The following PPP2R3A variants were observed in gnomAD, a reference collection of about 807,000 sequenced individuals.
PPP2R3A encodes the protein protein phosphatase 2 regulatory subunit B''alpha.
A neutral mutation model predicts 106.9 loss-of-function variants in PPP2R3A; 80 were observed. The ratio of observed to expected loss-of-function variants is 0.75; its 90% CI spans 0.62 to 0.90. The LOEUF (loss-of-function observed/expected upper bound fraction) is 0.90. Ranked by LOEUF, PPP2R3A falls within the 40% of genes least tolerant of loss-of-function variation. The pLI is 0.00. For synonymous variants in PPP2R3A, 483 were observed against 468.3 expected (o/e 1.03, Z -0.41); for missense variants, 1,386 against 1,350.4 (o/e 1.03, Z -0.41).
chr3:136,081,655 A>C (rs549245692), intron 7 of PPP2R3A, among the ~76,000 whole-genome samples: 35 of 152,170 alleles, frequency 2.3e-4, no homozygotes, highest in Admixed American at 2.0e-3. Context: ...AATTTGGCTG[A>C]CAACAGAATT....
At chr3:136,074,802 G>T (rs1576482460) in intron 6 of PPP2R3A, among the ~76,000 whole-genome samples, 1 of 152,302 alleles carries the variant, frequency 6.6e-6, no homozygotes, top group South Asian at 2.1e-4. Flanking sequence ...AGCTATAGTG[G>T]AGACTGCTCA....
At chr3:135,992,593 C>G (rs998153786) in intron 1 of PPP2R3A, among the ~76,000 whole-genome samples, 5 of 152,098 alleles carry the variant, frequency 3.3e-5, no homozygotes, top group Admixed American at 1.3e-4. Flanking sequence ...ATATTAACTT[C>G]CCAAATTTCT....
At chr3:136,117,809 TG>T in intron 13 of PPP2R3A, among the ~76,000 whole-genome samples, 1 of 152,188 alleles carries the variant, frequency 6.6e-6, no homozygotes, top group Non-Finnish European at 1.5e-5. Context: ...AAAGAGGAGC[TG>T]GTACCGTTCC....
intron 2 of PPP2R3A, among the ~76,000 whole-genome samples, chr3:136,009,244 G>A (rs1026489484): frequency 2.6e-5 from 4 of 152,064 alleles, no homozygotes; most frequent in South Asian, 2.1e-4. Flanking sequence ...CCTGGAGGGG[G>A]CAGTAAGGGT....
In PPP2R3A at chr3:136,106,196, G is replaced by A. The variant is rs750290412; in HGVS notation, c.3223-20G>A. 3.1e-6 allele frequency: 5 copies of A among 1,590,258 alleles called. No homozygotes were observed. The highest frequency in any genetic ancestry group is 2.2e-5 in the East Asian group (1 of 44,492). ...TCTTTGATTTTTTTTATTTCTCGTG[G>A]CTGTCTTCTTTCCAATCAGGATGTT... On this transcript the variant is annotated intron_variant, in intron 12 of 13. Coordinates refer to ENST00000264977, the MANE Select transcript of PPP2R3A (RefSeq NM_002718.5).
At chr3:136,063,659 T>G (rs929200013) in intron 5 of PPP2R3A, among the ~76,000 whole-genome samples, 6 of 151,878 alleles carry the variant, frequency 4.0e-5, no homozygotes, top group Non-Finnish European at 7.4e-5. Flanking sequence ...AAAAGACACA[T>G]GAAAAAATGC....
At chr3:135,991,298 A>T (rs1933150374) in intron 1 of PPP2R3A, among the ~76,000 whole-genome samples, 1 of 152,178 alleles carries the variant, frequency 6.6e-6, no homozygotes, top group Non-Finnish European at 1.5e-5. Context: ...AATTGTCTAA[A>T]TGATTTTTAC....
At chr3:136,056,568 C>T (rs1216515246) in intron 5 of PPP2R3A, among the ~76,000 whole-genome samples, 1 of 151,748 alleles carries the variant, frequency 6.6e-6, no homozygotes, top group African/African-American at 2.4e-5. Flanking sequence ...CTTTATCTTA[C>T]ACCGTATATA....
intron 1 of PPP2R3A, among the ~76,000 whole-genome samples, chr3:135,996,028 A>C (rs1933383027): frequency 6.6e-6 from 1 of 152,142 alleles, no homozygotes; most frequent in South Asian, 2.1e-4. Flanking sequence ...ATGTTTTTTT[A>C]CAATGGTGTT....
intron 6 of PPP2R3A, among the ~76,000 whole-genome samples, chr3:136,076,649 A>G (rs1559905648): frequency 6.6e-6 from 1 of 152,088 alleles, no homozygotes; most frequent in Non-Finnish European, 1.5e-5. Flanking sequence ...GGACCACCTG[A>G]TATATAGAAA....
At chr3:136,044,357 GA>G (rs1400752232) in intron 4 of PPP2R3A, among the ~76,000 whole-genome samples, 12 of 152,092 alleles carry the variant, frequency 7.9e-5, no homozygotes, top group African/African-American at 2.9e-4. Flanking sequence ...GTCTGGTCTT[GA>G]GGGCGGTTGG....
intron 1 of PPP2R3A, among the ~76,000 whole-genome samples, chr3:135,971,163 TTC>T (rs1199852911): frequency 6.6e-6 from 1 of 152,216 alleles, no homozygotes; most frequent in African/African-American, 2.4e-5. Flanking sequence ...TAGCTTAATT[TTC>T]CAGTTGCATG....
intron 2 of PPP2R3A, among the ~76,000 whole-genome samples, chr3:136,010,417 A>ATT (rs56962010): frequency 0.027 from 1,377 of 51,000 alleles, 423 homozygotes; most frequent in African/African-American, 0.11. Context: ...CGCTCGGCTA[A>ATT]TTTTTTTTTT....
rs397874378 is a variant in PPP2R3A at position 136,102,342 on chromosome 3, C to CTTT, written c.3103+180_3103+182dup. Among the ~76,000 whole-genome samples the CTTT allele has an allele frequency of 8.7e-4, 101 of 115,994 alleles. 1 individual carries two copies. Among genetic ancestry groups the CTTT allele is most frequent in the African/African-American group, 2.1e-3 (67 of 31,852 alleles). The allele number at this position is 115,994 out of a possible 152,430, so 76.1% of individuals were successfully genotyped here. A position where few individuals can be genotyped will look rare whatever the true frequency, so the allele number is the denominator to read the frequency against. ...TTCTCCTTGACTATTAGTGTAGCAA[C>CTTT]TTTTTTTTTTTTTTTTTTTTTTGAG... is the stretch of plus-strand genomic sequence containing the variant. On this transcript the variant is annotated intron_variant, in intron 11 of 13. Coordinates refer to ENST00000264977, the MANE Select transcript of PPP2R3A (RefSeq NM_002718.5).
intron 13 of PPP2R3A, among the ~76,000 whole-genome samples, chr3:136,131,272 C>G (rs1559937381): frequency 1.3e-5 from 2 of 152,122 alleles, no homozygotes. Context: ...ACCCACCTGA[C>G]AAAGGGCTAA....
At chr3:136,043,070 T>A (rs564654398) in intron 4 of PPP2R3A, among the ~76,000 whole-genome samples, 1 of 151,686 alleles carries the variant, frequency 6.6e-6, no homozygotes, top group Non-Finnish European at 1.5e-5. Context: ...TTATACAGAA[T>A]TAAAACATTT....
intron 13 of PPP2R3A, among the ~76,000 whole-genome samples, chr3:136,118,650 C>G (rs970067796): frequency 2.0e-5 from 3 of 152,118 alleles, no homozygotes; most frequent in African/African-American, 7.2e-5. Context: ...GAATAAAATT[C>G]CTGGGAATCC....
At chr3:136,073,366 G>A (rs1936499075) in intron 6 of PPP2R3A, among the ~76,000 whole-genome samples, 1 of 152,192 alleles carries the variant, frequency 6.6e-6, no homozygotes, top group Admixed American at 6.5e-5. Flanking sequence ...GTTAATAATA[G>A]TTGAACAAAA....
intron 2 of PPP2R3A, among the ~76,000 whole-genome samples, chr3:136,016,911 C>T (rs575299214): frequency 6.6e-5 from 10 of 152,022 alleles, no homozygotes; most frequent in South Asian, 4.2e-4. Context: ...TTTTATATGC[C>T]GTGTGAAATG....
Sources: allele counts gnomAD v4.1 joint callset (sites outside exome capture counted in the v4.1 genomes callset), GRCh38; gene constraint gnomAD v4.1.1; transcripts MANE v1.5; gene names NCBI Gene and HGNC (gene_info 2026-07-23, HGNC 2026-07-21).